The following PMEPA1 variants were observed in gnomAD, a reference collection of about 807,000 sequenced individuals.
The protein encoded by PMEPA1 is prostate transmembrane protein, androgen induced 1.
Under a neutral mutation model 23.0 loss-of-function variants are expected in PMEPA1, and 11 were observed. The observed-to-expected ratio is 0.48, with a 90% CI of 0.30 to 0.79. The LOEUF (loss-of-function observed/expected upper bound fraction) is 0.79, where lower values mean the gene tolerates loss of function less well. PMEPA1 is among the 30% of genes least tolerant of loss of function. PMEPA1 has a pLI of 0.06. For missense variants in PMEPA1, 377 were observed against 390.9 expected (o/e 0.96, Z 0.30); for synonymous variants, 204 against 166.4 (o/e 1.23, Z -1.74).
chr20:57,660,497 C>A (rs117085846), intron 1 of PMEPA1, among the ~76,000 whole-genome samples: 2,020 of 148,484 alleles, frequency 0.014, 20 homozygotes, highest in Non-Finnish European at 0.022. Context: ...ACACAACACC[C>A]CAACACTCCT....
chr20:57,687,379 G>T (rs113142810), intron 1 of PMEPA1, among the ~76,000 whole-genome samples: 10 of 152,268 alleles, frequency 6.6e-5, no homozygotes, highest in African/African-American at 2.2e-4. Context: ...GGCCAGAGGG[G>T]ACATGACTTG....
In PMEPA1 at chr20:57,704,818, A is replaced by G. The variant is rs1461857776; in HGVS notation, c.109+4656T>C. On this transcript the variant is annotated intron_variant, in intron 1 of 3. Transcript: ENST00000341744. This position sits in a 1 kb window ranked among gnomAD's most constrained non-coding sequence, Gnocchi z 4.6. ...CACCTGACCCCGTGGCTCTGGGGCA[A>G]TTTGGTGGCGGGTGCATCTTGCAGC... Among the ~76,000 whole-genome samples, 3 of 152,144 alleles carry G rather than the reference A, an allele frequency of 2.0e-5. No individual in the cohort carries two copies. The highest frequency in any genetic ancestry group is 7.2e-5 in the African/African-American group (3 of 41,450).
At chr20:57,660,480 C>T (rs1600628829) in intron 1 of PMEPA1, among the ~76,000 whole-genome samples, 1 of 147,580 alleles carries the variant, frequency 6.8e-6, no homozygotes, top group Admixed American at 6.7e-5. Context: ...CCCCAACACT[C>T]CTACACACAC....
intron 1 of PMEPA1, among the ~76,000 whole-genome samples, chr20:57,695,416 T>C (rs1450003828): frequency 2.0e-5 from 3 of 152,244 alleles, no homozygotes; most frequent in Non-Finnish European, 4.4e-5. Flanking sequence ...TACAAAATGT[T>C]TTCCCCGCTG....
intron 1 of PMEPA1, among the ~76,000 whole-genome samples, chr20:57,675,366 C>T (rs1056689886): frequency 5.3e-5 from 8 of 152,240 alleles, no homozygotes; most frequent in Non-Finnish European, 8.8e-5. Context: ...TCACCTCCTC[C>T]GACCTCTTGG....
At chr20:57,677,965 A>G (rs157094) in intron 1 of PMEPA1, among the ~76,000 whole-genome samples, 38,174 of 152,210 alleles carry the variant, frequency 0.25, 4,763 homozygotes, top group Admixed American at 0.28. Flanking sequence ...TAGATAGTGT[A>G]TGACTCCATT....
chr20:57,661,983 G>A (rs575504537), intron 1 of PMEPA1, among the ~76,000 whole-genome samples: 3 of 151,512 alleles, frequency 2.0e-5, no homozygotes, highest in Non-Finnish European at 2.9e-5. Flanking sequence ...CTGGGGCCGC[G>A]TCTGCACCCA....
intron 1 of PMEPA1, 132 bp downstream of exon 1, chr20:57,709,342 C>A: frequency 1.9e-6 from 1 of 528,052 alleles, no homozygotes; most frequent in Non-Finnish European, 2.5e-6. Flanking sequence ...CGGGGCGCGG[C>A]GGGCGCTGCC....
chr20:57,691,860 C>A (rs1175222509), intron 1 of PMEPA1: 1 of 152,298 alleles, frequency 6.6e-6, no homozygotes, highest in East Asian at 1.9e-4. Flanking sequence ...TCTTGAACAA[C>A]TACCTCCATC....
In PMEPA1 at chr20:57,709,920, C is replaced by A. The variant is rs2146723171; in HGVS notation, c.-338G>T. ...AGCTTTCCCCAGCCGAGCGCCTCCG[C>A]CGCCGCCGCCGCCGCCGCCTCCTCC... On this transcript the variant is annotated 5_prime_UTR_variant, in exon 1 of 4. Transcript: ENST00000341744. 1 of 1,008,086 alleles carries A rather than the reference C, an allele frequency of 9.9e-7. No homozygotes were observed. Among genetic ancestry groups the A allele is most frequent in the Non-Finnish European group, 1.2e-6 (1 of 847,702 alleles). The allele number at this position is 1,008,086 out of a possible 1,614,324, so 62.4% of individuals were successfully genotyped here.
chr20:57,692,361 G>A (rs1320851019), intron 1 of PMEPA1, among the ~76,000 whole-genome samples: 2 of 152,244 alleles, frequency 1.3e-5, no homozygotes, highest in African/African-American at 4.8e-5. Flanking sequence ...AGCCCACCAG[G>A]TGTGGGAAGA....
intron 2 of PMEPA1, among the ~76,000 whole-genome samples, chr20:57,653,290 T>A (rs555663086): frequency 8.8e-4 from 134 of 152,294 alleles, no homozygotes; most frequent in African/African-American, 3.0e-3. Flanking sequence ...CACTGATCCC[T>A]GAGGTGCCCT....
chr20:57,676,053 A>G (rs898443403), intron 1 of PMEPA1, among the ~76,000 whole-genome samples: 17 of 152,160 alleles, frequency 1.1e-4, no homozygotes, highest in Non-Finnish European at 1.6e-4. Context: ...AAAATCCCAA[A>G]TTCTGGGAAG....
intron 1 of PMEPA1, among the ~76,000 whole-genome samples, chr20:57,669,607 G>C (rs1260445163): frequency 6.6e-6 from 1 of 152,230 alleles, no homozygotes; most frequent in Non-Finnish European, 1.5e-5. Context: ...CGGTCAGTCT[G>C]TATCCTCACG....
chr20:57,707,253 T>C (rs769084036), intron 1 of PMEPA1, among the ~76,000 whole-genome samples: 14 of 152,096 alleles, frequency 9.2e-5, no homozygotes, highest in Non-Finnish European at 1.8e-4. Flanking sequence ...CCTCCTTCCT[T>C]CCTATCTTTT....
In PMEPA1 at chr20:57,653,079, C is replaced by T; in HGVS notation, c.272G>A (p.Cys91Tyr). The T allele has an allele frequency of 1.3e-6, 2 of 1,586,780 alleles. No homozygotes were observed. Among genetic ancestry groups the T allele is most frequent in the South Asian group, 1.2e-5 (1 of 86,914 alleles). The stretch of plus-strand genomic sequence containing the variant: ...CACTGTGCTCTCCGAGGGCCACAGG[C>T]ATCCTTCCTGCACAGGAAGAAACGT... Reference protein sequence around the residue: ...RREDALSSEGCLWPSESTVSG... With the variant: ...RREDALSSEGYLWPSESTVSG... Residue 91 changes from cysteine (C) to tyrosine (Y), a missense_variant, in exon 3 of 4, where the codon TGC becomes TAC. Cys to Tyr is a radical substitution (Grantham distance 194). Transcript: ENST00000341744.
Position 57,709,909 on chromosome 20 carries a change from G to C in PMEPA1, c.-327C>G. On this transcript the variant is annotated 5_prime_UTR_variant, in exon 1 of 4. Coordinates refer to ENST00000341744, the MANE Select transcript of PMEPA1 (RefSeq NM_020182.5). ...CCTCTGCCGCTAGCTTTCCCCAGCCGAGCGCCTCCGCCGCCGCCGCCGCCG... is the reference window on the plus strand; with the variant it reads ...CCTCTGCCGCTAGCTTTCCCCAGCCCAGCGCCTCCGCCGCCGCCGCCGCCG... 1 of 1,009,072 alleles carries C rather than the reference G, an allele frequency of 9.9e-7. No homozygotes were observed. The highest frequency in any genetic ancestry group is 1.2e-6 in the Non-Finnish European group (1 of 848,718). 62.5% of individuals were successfully genotyped at this position (1,009,072 alleles called of 1,614,324 possible). A position where few individuals can be genotyped will look rare whatever the true frequency, so the allele number is the denominator to read the frequency against.
intron 1 of PMEPA1, among the ~76,000 whole-genome samples, chr20:57,707,786 A>G (rs1213503587): frequency 6.6e-6 from 1 of 152,136 alleles, no homozygotes; most frequent in African/African-American, 2.4e-5. Context: ...TTACAGAGCG[A>G]AAGGCAAAAA....
chr20:57,660,809 C>T (rs1405281771), intron 1 of PMEPA1, among the ~76,000 whole-genome samples: 1 of 151,482 alleles, frequency 6.6e-6, no homozygotes, highest in African/African-American at 2.4e-5. Context: ...AACAACACTA[C>T]ATACTCCAAC....
Sources: allele counts gnomAD v4.1 joint callset (sites outside exome capture counted in the v4.1 genomes callset), GRCh38; gene constraint gnomAD v4.1.1; non-coding constraint Gnocchi (gnomAD v3.1); transcripts MANE v1.5; gene names NCBI Gene and HGNC (gene_info 2026-07-23, HGNC 2026-07-21).